Variants in TTC12 observed in about 807,000 individuals in gnomAD.
TTC12 encodes tetratricopeptide repeat domain 12, also known as tetratricopeptide repeat protein 12.
A neutral mutation model predicts 90.1 loss-of-function variants in TTC12; 70 were observed. The observed-to-expected ratio is 0.78, with a 90% confidence interval of 0.64 to 0.95. The LOEUF is 0.95. Among genes scored for constraint, TTC12 ranks in the 40% least tolerant of loss-of-function variants. TTC12 has a pLI of 0.00. For synonymous variants in TTC12, 296 were observed against 311.5 expected, an observed-to-expected ratio of 0.95 and a Z score of 0.53; for missense variants, 819 against 846.1, an observed-to-expected ratio of 0.97 and a Z score of 0.40.
chr11:113,345,720 A>G (rs1948912801), intron 13 of TTC12, among the ~76,000 whole-genome samples: 1 of 152,156 alleles, frequency 6.6e-6, no homozygotes, highest in Non-Finnish European at 1.5e-5. Context: ...CCAAAAGCAC[A>G]TTTCACATTT....
At chr11:113,349,444 G>T (rs781803282) in intron 13 of TTC12, among the ~76,000 whole-genome samples, 2 of 152,184 alleles carry the variant, frequency 1.3e-5, no homozygotes, top group Non-Finnish European at 2.9e-5. Context: ...GGCAGCCTGA[G>T]ATTTCATCAG....
chr11:113,335,872 ACTG>A (rs1352500859), intron 8 of TTC12, among the ~76,000 whole-genome samples: 1 of 152,178 alleles, frequency 6.6e-6, no homozygotes, highest in African/African-American at 2.4e-5. Context: ...TATGAATAAC[ACTG>A]CTATGAACAT....
At chr11:113,323,718 G>A (rs1353848072) in intron 3 of TTC12, among the ~76,000 whole-genome samples, 1 of 151,966 alleles carries the variant, frequency 6.6e-6, no homozygotes, top group Admixed American at 6.6e-5. Flanking sequence ...TACCTTTAAG[G>A]TAATGTATTC....
At chr11:113,346,089 G>A (rs1473126344) in intron 13 of TTC12, among the ~76,000 whole-genome samples, 6 of 152,096 alleles carry the variant, frequency 3.9e-5, no homozygotes, top group South Asian at 2.1e-4. Context: ...TGACCGTCAC[G>A]GCAGCACACG....
rs201793229 is a variant in TTC12, at chr11:113,350,109, G to C, written c.1191G>C (p.Ser397=). The change falls in exon 14 of 22, where the codon TCG becomes TCC. Residue 397 remains serine, a synonymous_variant. Coordinates refer to ENST00000529221, the MANE Select transcript of TTC12 (RefSeq NM_017868.4). ...LEALVSFLDF[S]DKEANTAMGL... Reference sequence around the variant, plus strand: ...CGCTGGTGTCATTTCTTGATTTCTCGGATAAGGAGGCCAACACTGCTATGG... The same window carrying C: ...CGCTGGTGTCATTTCTTGATTTCTCCGATAAGGAGGCCAACACTGCTATGG... 1.2e-4 allele frequency: 189 copies of C among 1,613,906 alleles called. No homozygotes were observed. The South Asian group carries it at 1.9e-3, about 16-fold the overall frequency.
chr11:113,324,882 T>C (rs1347630508), intron 5 of TTC12, among the ~76,000 whole-genome samples, 200 bp downstream of exon 5: 2 of 152,186 alleles, frequency 1.3e-5, no homozygotes, highest in African/African-American at 2.4e-5. Context: ...GAGGGTAGGA[T>C]ACACCTACCT....
downstream of TTC12, among the ~76,000 whole-genome samples, chr11:113,369,829 C>T (rs149861367): frequency 5.9e-5 from 9 of 152,250 alleles, no homozygotes; most frequent in East Asian, 1.9e-4. Flanking sequence ...TACTTAATGG[C>T]GACTCTTTTT....
chr11:113,338,723 A>G (rs1004264736), intron 8 of TTC12, 51 bp from the exon 9 acceptor site: 8 of 1,478,000 alleles, frequency 5.4e-6, no homozygotes, highest in Non-Finnish European at 7.5e-6. Context: ...TGTCTTTCTC[A>G]TAATCACCTT....
chr11:113,325,764 G>GT, intron 6 of TTC12, 119 bp downstream of exon 6: 1 of 1,349,836 alleles, frequency 7.4e-7, no homozygotes, highest in Non-Finnish European at 1.0e-6. Flanking sequence ...ACTGGCTCTT[G>GT]TTTTAAGTGT....
At chr11:113,371,928 C>CT (rs1950397008) in intron 21 of TTC12, among the ~76,000 whole-genome samples, 1 of 152,152 alleles carries the variant, frequency 6.6e-6, no homozygotes, top group South Asian at 2.1e-4. Flanking sequence ...CATGGAAGCC[C>CT]TGAGGAGATG....
rs149059427 is a variant in TTC12, at chr11:113,361,208, C to G, written c.1615-1193C>G. Among the ~76,000 whole-genome samples the G allele has an allele frequency of 7.9e-3, 1,203 of 152,260 alleles. 13 individuals are homozygous for G. The highest frequency in any genetic ancestry group is 0.027 in the South Asian group (128 of 4,812). ...GCAAAATTCTAGGATCTTTAGGAAG[C>G]AGATTAGGGAAACAAGATTGATAAT... On this transcript the variant is annotated intron_variant, in intron 18 of 21. Transcript: ENST00000529221.
rs368327526 is a variant in TTC12, at chr11:113,323,974, A to G, written c.223-20A>G. 50 of 1,604,860 alleles carry G rather than the reference A, an allele frequency of 3.1e-5. No individual in the cohort carries two copies. Among genetic ancestry groups the G allele is most frequent in the Middle Eastern group, 1.7e-4 (1 of 6,050 alleles). On this transcript the variant is annotated intron_variant, in intron 3 of 21. Coordinates refer to ENST00000529221, the MANE Select transcript of TTC12 (RefSeq NM_017868.4). ...TTTTGAAATTTGTTTCTTTGTTTTT[A>G]TGGTAACCTACGTCTACAGAGTGCA...
rs1462014467 is a variant in TTC12, at chr11:113,325,546, A to G, written c.345A>G (p.Glu115=). ...TAGCCCTAAAAGAAAAAGGGAATGA[A>G]GCATTTGCTGAAGGCAATTATGAAA... The part of the protein sequence containing the change: ...LADALKEKGN[E]AFAEGNYETA... Residue 115 remains glutamate, a synonymous_variant, in exon 6 of 22, where the codon GAA becomes GAG. Coordinates refer to ENST00000529221, the MANE Select transcript of TTC12 (RefSeq NM_017868.4). 23 of 1,613,842 alleles carry G rather than the reference A, an allele frequency of 1.4e-5. No homozygotes were observed. The highest frequency in any genetic ancestry group is 1.9e-5 in the Non-Finnish European group (22 of 1,179,830).
intron 21 of TTC12, 135 bp from the exon 22 acceptor site, chr11:113,366,090 C>G: frequency 1.2e-5 from 11 of 903,886 alleles, no homozygotes; most frequent in Non-Finnish European, 1.9e-5. Flanking sequence ...AATGCCACAG[C>G]CACTTCCTGT....
rs1555139469 is a variant in TTC12, at chr11:113,323,386, G to A, written c.157G>A (p.Glu53Lys). 1.2e-6 allele frequency: 2 copies of A among 1,613,354 alleles called. No individual in the cohort carries two copies. Among genetic ancestry groups the A allele is most frequent in the South Asian group, 1.1e-5 (1 of 90,970 alleles). The stretch of plus-strand genomic sequence containing the variant: ...ACTACTGCTTATGGAGGAAGACCAG[G>A]AGGAGGATGAATGCAGGACCACCTT... ...KRLLLMEEDQ[E>K]EDECRTTLNK... Residue 53 changes from glutamate (E) to lysine (K), a missense_variant, in exon 3 of 22, where the codon GAG becomes AAG. Transcript: ENST00000529221.
In TTC12 at chr11:113,318,559, A is replaced by G. The variant is rs975783671; in HGVS notation, c.58+2244A>G. Among the ~76,000 whole-genome samples, 4 of 152,384 alleles carry G rather than the reference A, an allele frequency of 2.6e-5. 1 individual carries two copies. The highest frequency in any genetic ancestry group is 5.9e-5 in the Non-Finnish European group (4 of 68,042). The stretch of plus-strand genomic sequence containing the variant: ...GATTAGTTACTTCTTTAAAGGCCCT[A>G]TCTACAAATACAGTCATACCAGGAG... On this transcript the variant is annotated intron_variant, in intron 2 of 21. Transcript: ENST00000529221.
At chr11:113,333,001 T>TA (rs1239873426) in intron 7 of TTC12, among the ~76,000 whole-genome samples, 1 of 152,172 alleles carries the variant, frequency 6.6e-6, no homozygotes, top group Non-Finnish European at 1.5e-5. Context: ...GGACTTCAGA[T>TA]ATTAGCCCTT....
At chr11:113,339,934 A>G (rs1160914423) in intron 10 of TTC12, among the ~76,000 whole-genome samples, 9 of 151,978 alleles carry the variant, frequency 5.9e-5, no homozygotes, top group Admixed American at 5.9e-4. Context: ...ACATACCCCC[A>G]CAGACACCTC....
intron 20 of TTC12, 111 bp from the exon 21 acceptor site, chr11:113,364,724 C>T (rs1950111881): frequency 2.5e-6 from 2 of 792,586 alleles, no homozygotes; most frequent in African/African-American, 3.4e-5. Context: ...TGCAGAGTTA[C>T]TGGGGAAGCT....
Sources: allele counts gnomAD v4.1 joint callset (sites outside exome capture counted in the v4.1 genomes callset), GRCh38; gene constraint gnomAD v4.1.1; transcripts MANE v1.5; gene names NCBI Gene and HGNC (gene_info 2026-07-23, HGNC 2026-07-21).